The following CACNA1E variants were observed in gnomAD, a reference collection of about 807,000 sequenced individuals.
The protein encoded by CACNA1E is voltage-dependent R-type calcium channel subunit alpha-1E.
In CACNA1E, 40 loss-of-function variants were observed where a neutral mutation model predicts 259.2. The observed-to-expected ratio is 0.15, with a 90% confidence interval of 0.12 to 0.20. CACNA1E has a LOEUF of 0.20. Ranked by LOEUF, CACNA1E falls within the 10% of genes least tolerant of loss-of-function variation. CACNA1E has a pLI of 1.00. For synonymous variants in CACNA1E, 1,104 were observed against 1,138.5 expected (o/e 0.97, Z 0.61); for missense variants, 1,874 against 3,040.1 (o/e 0.62, Z 9.02).
At chr1:181,795,478 C>T (rs1191729167) in intron 46 of CACNA1E, among the ~76,000 whole-genome samples, 2 of 151,392 alleles carry the variant, frequency 1.3e-5, no homozygotes, top group Admixed American at 6.6e-5. Flanking sequence ...TTTCACTCTG[C>T]AGCACAGGCT....
At chr1:181,470,864 C>T (rs1448354234) in intron 2 of CACNA1E, among the ~76,000 whole-genome samples, 1 of 152,156 alleles carries the variant, frequency 6.6e-6, no homozygotes, top group Non-Finnish European at 1.5e-5. Flanking sequence ...AAGTTCCAGG[C>T]TACAATTTCT....
intron 25 of CACNA1E, among the ~76,000 whole-genome samples, chr1:181,749,784 C>T (rs1657425331): frequency 6.6e-6 from 1 of 152,236 alleles, no homozygotes; most frequent in Non-Finnish European, 1.5e-5. Flanking sequence ...TTTTCACCTT[C>T]AAGCTGCACA....
intron 8 of CACNA1E, among the ~76,000 whole-genome samples, chr1:181,712,455 T>C (rs1345116245): frequency 1.3e-5 from 2 of 152,166 alleles, no homozygotes; most frequent in Non-Finnish European, 2.9e-5. Context: ...GTAGGAGCTT[T>C]GGAATGACAC....
intron 22 of CACNA1E, among the ~76,000 whole-genome samples, chr1:181,736,922 G>T (rs939511067): frequency 1.3e-5 from 2 of 152,186 alleles, no homozygotes; most frequent in African/African-American, 4.8e-5. Flanking sequence ...ATGAAGTGGG[G>T]GTGACAGAGC....
chr1:181,715,224 T>C (rs1653774438), intron 8 of CACNA1E, 114 bp from the exon 9 acceptor site: 2 of 681,778 alleles, frequency 2.9e-6, no homozygotes, highest in South Asian at 1.7e-5. Flanking sequence ...TGACAGGCTC[T>C]GAACTCTGCT....
At chr1:181,771,969 A>G (rs902926880) in intron 36 of CACNA1E, 97 bp from the exon 37 acceptor site, 57 of 1,150,772 alleles carry the variant, frequency 5.0e-5, no homozygotes, top group Non-Finnish European at 6.8e-5. Flanking sequence ...TGTTGGGCCC[A>G]GACAAGAGCG....
chr1:181,611,372 C>T (rs183301486), intron 6 of CACNA1E, among the ~76,000 whole-genome samples: 118 of 151,666 alleles, frequency 7.8e-4, no homozygotes, highest in African/African-American at 2.8e-3. Context: ...ATTTCAGTTA[C>T]TTCCATTTTT....
At chr1:181,512,791 T>G (rs1341488325) in intron 3 of CACNA1E, among the ~76,000 whole-genome samples, 3 of 152,222 alleles carry the variant, frequency 2.0e-5, no homozygotes, top group African/African-American at 7.2e-5. Flanking sequence ...ATCTGTTGCC[T>G]TACAAAAGGA....
chr1:181,488,319 A>G (rs1035091227), intron 1 of CACNA1E, among the ~76,000 whole-genome samples: 14 of 152,214 alleles, frequency 9.2e-5, no homozygotes, highest in African/African-American at 2.9e-4. Flanking sequence ...AGGGAAGATG[A>G]TGGCAGCTAA....
At chr1:181,682,495 A>G (rs1650076516) in intron 7 of CACNA1E, among the ~76,000 whole-genome samples, 2 of 152,128 alleles carry the variant, frequency 1.3e-5, no homozygotes, top group Non-Finnish European at 2.9e-5. Flanking sequence ...TGTCCCTCCC[A>G]GCAAATCCCA....
At chr1:181,538,512 G>A (rs1324037009) in intron 3 of CACNA1E, among the ~76,000 whole-genome samples, 4 of 152,202 alleles carry the variant, frequency 2.6e-5, no homozygotes, top group African/African-American at 9.6e-5. Flanking sequence ...AAATGTGCAT[G>A]TATATGTAAA....
chr1:181,735,041 C>T (rs12121902), intron 21 of CACNA1E, among the ~76,000 whole-genome samples: 16,736 of 152,214 alleles, frequency 0.11, 969 homozygotes, highest in Admixed American at 0.16. Context: ...TTTACTCTTT[C>T]ACATGAAAAT....
intron 2 of CACNA1E, among the ~76,000 whole-genome samples, chr1:181,427,351 C>T (rs767227436): frequency 4.7e-5 from 7 of 149,378 alleles, no homozygotes; most frequent in Admixed American, 6.7e-5. Flanking sequence ...TCAATTCCAC[C>T]GCCATCTCAA....
chr1:181,642,775 C>T (rs911885286), intron 6 of CACNA1E, among the ~76,000 whole-genome samples: 6 of 152,194 alleles, frequency 3.9e-5, no homozygotes, highest in East Asian at 1.9e-4. Flanking sequence ...CAAAGCAAAG[C>T]GGGATCCCAG....
chr1:181,366,326 G>A (rs1295182774), intron 1 of CACNA1E, among the ~76,000 whole-genome samples: 3 of 152,126 alleles, frequency 2.0e-5, no homozygotes, highest in African/African-American at 7.2e-5. Context: ...CTGGCTCAAG[G>A]CAATGCAATG....
intron 1 of CACNA1E, among the ~76,000 whole-genome samples, chr1:181,351,378 C>G (rs1270394458): frequency 1.3e-5 from 2 of 152,182 alleles, no homozygotes; most frequent in East Asian, 1.9e-4. Flanking sequence ...CTACCCTGGA[C>G]TCTCTGAGGT....
intron 6 of CACNA1E, among the ~76,000 whole-genome samples, chr1:181,615,827 A>G (rs1479894405): frequency 1.3e-5 from 2 of 152,210 alleles, no homozygotes; most frequent in Non-Finnish European, 2.9e-5. Flanking sequence ...GTCTCAATGG[A>G]AAAGTTTCAC....
chr1:181,664,472 T>G (rs887909365), intron 7 of CACNA1E, among the ~76,000 whole-genome samples: 1 of 152,164 alleles, frequency 6.6e-6, no homozygotes, highest in Non-Finnish European at 1.5e-5. Context: ...ATTTTAGGAC[T>G]TTATTATTAG....
At chr1:181,588,936 A>G (rs926702788) in intron 6 of CACNA1E, among the ~76,000 whole-genome samples, 1 of 152,214 alleles carries the variant, frequency 6.6e-6, no homozygotes, top group African/African-American at 2.4e-5. Context: ...CCAGGTGGGG[A>G]TGGCACAGTG....
Sources: allele counts gnomAD v4.1 joint callset (sites outside exome capture counted in the v4.1 genomes callset), GRCh38; gene constraint gnomAD v4.1.1; transcripts MANE v1.5; gene names NCBI Gene and HGNC (gene_info 2026-07-23, HGNC 2026-07-21).